ABCB4: variants seen among roughly 807,000 people sequenced by gnomAD.
ABCB4 encodes the protein ATP binding cassette subfamily B member 4.
A neutral mutation model predicts 145.7 loss-of-function variants in ABCB4; 76 were observed. The observed-to-expected ratio is 0.52, with a 90% CI of 0.43 to 0.63. ABCB4 has a LOEUF of 0.63. Among genes scored for constraint, ABCB4 ranks in the 30% least tolerant of loss-of-function variants. The probability of loss-of-function intolerance (pLI) is 0.00; values close to 1 mark genes in which losing one functional copy is unlikely to be tolerated. For synonymous variants in ABCB4, 517 were observed against 566.8 expected (o/e 0.91, Z 1.25); for missense variants, 1,234 against 1,553.1 (o/e 0.79, Z 3.45).
intron 5 of ABCB4, among the ~76,000 whole-genome samples, chr7:87,453,915 G>T (rs931211268): frequency 1.3e-5 from 2 of 148,168 alleles, no homozygotes; most frequent in African/African-American, 4.9e-5. Context: ...AAAAAACTTT[G>T]TTCCTATTTG....
At chr7:87,449,864 G>C (rs1366483874) in intron 8 of ABCB4, 104 bp downstream of exon 8, 1 of 1,559,636 alleles carries the variant, frequency 6.4e-7, no homozygotes. Flanking sequence ...ATGCGAGAAG[G>C]GTTAATATTA....
intron 23 of ABCB4, among the ~76,000 whole-genome samples, chr7:87,411,475 C>A (rs1458179820): frequency 6.6e-6 from 1 of 152,100 alleles, no homozygotes; most frequent in East Asian, 1.9e-4. Flanking sequence ...AGTGCCTTTG[C>A]CAGACTTCCA....
chr7:87,473,862 C>T (rs1195084052), intron 2 of ABCB4, among the ~76,000 whole-genome samples: 1 of 152,056 alleles, frequency 6.6e-6, no homozygotes, highest in Non-Finnish European at 1.5e-5. Context: ...TGACTAAAAT[C>T]ACTGGACAAA....
intron 7 of ABCB4, among the ~76,000 whole-genome samples, chr7:87,450,516 AC>A (rs1490890836): frequency 1.4e-5 from 2 of 142,934 alleles, no homozygotes; most frequent in African/African-American, 5.4e-5. Flanking sequence ...TGTTGCCCAG[AC>A]TGGAGTGCAG....
At chr7:87,391,659 T>G in the ABCB4 span, 2 of 1,611,966 alleles carry the variant, frequency 1.2e-6, no homozygotes, top group Non-Finnish European at 1.7e-6. Flanking sequence ...TATGCGATCA[T>G]GCACAGTTGA....
chr7:87,397,478 T>C (rs140845315), downstream of ABCB4, among the ~76,000 whole-genome samples: 4 of 152,334 alleles, frequency 2.6e-5, no homozygotes, highest in East Asian at 5.8e-4. Context: ...TCTGTACATG[T>C]AGGAAAGGCT....
intron 21 of ABCB4, 151 bp from the exon 22 acceptor site, chr7:87,413,868 C>T: frequency 3.0e-6 from 2 of 656,178 alleles, no homozygotes; most frequent in South Asian, 3.5e-5. Flanking sequence ...ATAATCTGTT[C>T]AAGACTAGCT....
chr7:87,436,305 G>T (rs1053931174), intron 14 of ABCB4, among the ~76,000 whole-genome samples: 1 of 151,536 alleles, frequency 6.6e-6, no homozygotes, highest in Admixed American at 6.6e-5. Context: ...GCAGAGCCTA[G>T]TGGACACTTT....
At chr7:87,391,820 A>C in the ABCB4 span, 1 of 1,120,708 alleles carries the variant, frequency 8.9e-7, no homozygotes. Context: ...GGATCATTAA[A>C]ATACTTTGAG....
chr7:87,401,958 A>C lies in ABCB4; in HGVS notation c.*138T>G. The C allele has an allele frequency of 8.2e-7, 1 of 1,213,464 alleles. No homozygotes were observed. The highest frequency in any genetic ancestry group is 1.3e-5 in the South Asian group (1 of 77,018). The allele number at this position is 1,213,464 out of a possible 1,614,324, so 75.2% of individuals were successfully genotyped here. A position where few individuals can be genotyped will look rare whatever the true frequency, so the allele number is the denominator to read the frequency against. On this transcript the variant is annotated 3_prime_UTR_variant, in exon 28 of 28. Coordinates refer to ENST00000649586, the MANE Select transcript of ABCB4 (RefSeq NM_000443.4). ...ATTTCAAATGCCGTAATAAACCCCA[A>C]ATTGGGTCTTCTAAATTGATCTAGA...
At chr7:87,432,517 C>T (rs145688950) in intron 14 of ABCB4, among the ~76,000 whole-genome samples, 59 of 152,208 alleles carry the variant, frequency 3.9e-4, no homozygotes, top group African/African-American at 1.4e-3. Flanking sequence ...GTGGTATATC[C>T]ATATAATGGA....
At chr7:87,404,157 C>G (rs1325840249) in intron 26 of ABCB4, among the ~76,000 whole-genome samples, 1 of 151,998 alleles carries the variant, frequency 6.6e-6, no homozygotes, top group Non-Finnish European at 1.5e-5. Flanking sequence ...TAAGGCTAAC[C>G]AAAATGAAAG....
the ABCB4 span, among the ~76,000 whole-genome samples, chr7:87,393,622 T>C: frequency 6.6e-6 from 1 of 152,126 alleles, no homozygotes; most frequent in Admixed American, 6.6e-5. Context: ...TAGCAAGGCT[T>C]GTAAGGTCCT....
At chr7:87,463,182 T>C (rs1434511817) in intron 3 of ABCB4, among the ~76,000 whole-genome samples, 2 of 152,038 alleles carry the variant, frequency 1.3e-5, no homozygotes, top group Non-Finnish European at 2.9e-5. Context: ...GTTTAAGAAA[T>C]ATTATTTGAT....
At chr7:87,391,653 C>A in the ABCB4 span, 1 of 1,611,220 alleles carries the variant, frequency 6.2e-7, no homozygotes. Flanking sequence ...AGAGACTATG[C>A]GATCATGCAC....
At chr7:87,440,484 C>G in intron 12 of ABCB4, 82 bp from the exon 13 acceptor site, 1 of 1,193,456 alleles carries the variant, frequency 8.4e-7, no homozygotes, top group Non-Finnish European at 1.2e-6. Context: ...AAACATCCTA[C>G]CTAATATTTA....
chr7:87,389,448 AG>A, the ABCB4 span, among the ~76,000 whole-genome samples: 72 of 152,298 alleles, frequency 4.7e-4, 1 homozygote, highest in Non-Finnish European at 2.4e-4. Context: ...CAGCCATAAA[AG>A]AGGATGAGTT....
chr7:87,444,974 A>T lies in ABCB4; in HGVS notation c.1007T>A (p.Val336Asp). The T allele has an allele frequency of 6.3e-7, 1 of 1,595,672 alleles. No homozygotes were observed. The highest frequency in any genetic ancestry group is 8.5e-7 in the Non-Finnish European group (1 of 1,174,928). Residue 336 changes from valine (V) to aspartate (D), a missense_variant and splice_region_variant, in exon 10 of 28, where the codon GTT becomes GAT. By Grantham distance (152) the Val-to-Asp change is radical. Transcript: ENST00000649586. ...KEYTIGNAMT[V>D]FFSILIGAFS... ...AGCTCCAATTAGGATTGAAAAAAAA[A>T]CCTGAGCAAAATAACATGAGGAAAA...
chr7:87,445,930 A>G (rs916469224), intron 9 of ABCB4, among the ~76,000 whole-genome samples: 2 of 152,178 alleles, frequency 1.3e-5, no homozygotes, highest in Non-Finnish European at 2.9e-5. Context: ...ACATACTACA[A>G]ATGAGGAAAT....
Sources: allele counts gnomAD v4.1 joint callset (sites outside exome capture counted in the v4.1 genomes callset), GRCh38; gene constraint gnomAD v4.1.1; transcripts MANE v1.5; gene names NCBI Gene and HGNC (gene_info 2026-07-23, HGNC 2026-07-21).